Variants in SGCD observed in about 807,000 individuals in gnomAD.
The protein encoded by SGCD is delta-sarcoglycan.
In SGCD, 18 loss-of-function variants were observed where a neutral mutation model predicts 36.6. That is an observed-to-expected ratio of 0.49 (90% CI 0.34 to 0.73). The LOEUF (loss-of-function observed/expected upper bound fraction) is 0.73, where lower values mean the gene tolerates loss of function less well. Ranked by LOEUF, SGCD falls within the 30% of genes least tolerant of loss-of-function variation. The probability of loss-of-function intolerance (pLI) is 0.01; values close to 1 mark genes in which losing one functional copy is unlikely to be tolerated. For synonymous variants in SGCD, 133 were observed against 130.6 expected, an observed-to-expected ratio of 1.02 and a Z score of -0.12; for missense variants, 387 against 346.7, an observed-to-expected ratio of 1.12 and a Z score of -0.92.
intron 3 of SGCD, among the ~76,000 whole-genome samples, chr5:156,163,701 G>A (rs913938300): frequency 1.3e-5 from 2 of 151,446 alleles, no homozygotes; most frequent in African/African-American, 4.9e-5. Flanking sequence ...TTCTGGTTTT[G>A]GAATCTACCA....
chr5:155,942,326 G>GTGTCTATCTATCTATC (rs1307509032), intron 1 of SGCD, among the ~76,000 whole-genome samples: 4 of 111,298 alleles, frequency 3.6e-5, no homozygotes, highest in Non-Finnish European at 6.4e-5. Context: ...ATGTATGTAT[G>GTGTCTATCTATCTATC]TATGTATGTA....
At chr5:155,826,114 A>G in the SGCD span, among the ~76,000 whole-genome samples, 1 of 152,212 alleles carries the variant, frequency 6.6e-6, no homozygotes, top group African/African-American at 2.4e-5. Context: ...GCTGGTGTAA[A>G]GTGCAAACCA....
At chr5:156,366,893 T>G (rs1295600212) in intron 3 of SGCD, among the ~76,000 whole-genome samples, 1 of 152,188 alleles carries the variant, frequency 6.6e-6, no homozygotes, top group Non-Finnish European at 1.5e-5. Flanking sequence ...TCTAGATACT[T>G]TTGAAGGGAA....
At position 156,712,991 on chromosome 5, in the gene SGCD, A is replaced by G. The variant is rs151128564; in HGVS notation, c.576-44590A>G. On this transcript the variant is annotated intron_variant, in intron 7 of 8. Transcript: ENST00000337851. Reference sequence around the variant, plus strand: ...ATCTAGAGAGACAAATGCTTCCCACATGGTAGGGTCTGAATAAATATTGAC... The same window carrying G: ...ATCTAGAGAGACAAATGCTTCCCACGTGGTAGGGTCTGAATAAATATTGAC... 1.8e-3 allele frequency among the ~76,000 whole-genome samples: 278 copies of G among 152,332 alleles called. 1 individual carries two copies. The highest frequency in any genetic ancestry group is 6.2e-3 in the African/African-American group (259 of 41,572).
chr5:156,138,884 A>T (rs1048629187), intron 3 of SGCD, among the ~76,000 whole-genome samples: 4 of 152,208 alleles, frequency 2.6e-5, no homozygotes, highest in African/African-American at 9.6e-5. Flanking sequence ...CATAGTGGAT[A>T]TAAAATAAGA....
chr5:155,881,334 G>A (rs1326158222), intron 1 of SGCD, among the ~76,000 whole-genome samples: 2 of 79,096 alleles, frequency 2.5e-5, no homozygotes, highest in East Asian at 3.8e-4. Flanking sequence ...AAAGAATATA[G>A]CAATAAAACA....
the SGCD span, among the ~76,000 whole-genome samples, chr5:155,785,883 ATAT>A: frequency 6.6e-6 from 1 of 152,158 alleles, no homozygotes; most frequent in Non-Finnish European, 1.5e-5. Context: ...TGTGGTCCAG[ATAT>A]TATTACTATG....
intron 3 of SGCD, among the ~76,000 whole-genome samples, chr5:156,391,284 G>A (rs1323242970): frequency 1.3e-5 from 2 of 152,174 alleles, no homozygotes; most frequent in Admixed American, 1.3e-4. Flanking sequence ...TGGGTGTGTA[G>A]CACGCTCTAC....
chr5:156,250,595 G>T (rs577137607), intron 3 of SGCD, among the ~76,000 whole-genome samples: 2 of 152,242 alleles, frequency 1.3e-5, no homozygotes, highest in African/African-American at 4.8e-5. Context: ...GAAAAAAAAG[G>T]GAAAGAGAAG....
chr5:156,605,441 T>G (rs935232017), intron 6 of SGCD, among the ~76,000 whole-genome samples: 5 of 152,212 alleles, frequency 3.3e-5, no homozygotes, highest in Non-Finnish European at 5.9e-5. Flanking sequence ...CTTAATCCAG[T>G]CTATTATTGT....
chr5:156,185,317 C>T (rs1763712689), intron 3 of SGCD, among the ~76,000 whole-genome samples: 1 of 150,666 alleles, frequency 6.6e-6, no homozygotes, highest in South Asian at 2.1e-4. Flanking sequence ...CGGGTTCACA[C>T]CATTCTCCTG....
At chr5:155,965,073 G>A (rs1256507755) in intron 1 of SGCD, among the ~76,000 whole-genome samples, 2 of 152,050 alleles carry the variant, frequency 1.3e-5, no homozygotes, top group African/African-American at 4.8e-5. Context: ...AGAGAATGGG[G>A]CCAGAGTCCT....
chr5:155,760,206 ACCAACACCCTCT>A, the SGCD span, among the ~76,000 whole-genome samples: 2 of 138,820 alleles, frequency 1.4e-5, no homozygotes, highest in Non-Finnish European at 3.1e-5. Flanking sequence ...CATCATCCTC[ACCAACACCCTCT>A]CCATCACCCT....
chr5:156,555,288 G>A (rs1758976760), intron 4 of SGCD, among the ~76,000 whole-genome samples: 1 of 152,108 alleles, frequency 6.6e-6, no homozygotes, highest in Non-Finnish European at 1.5e-5. Flanking sequence ...CTAAGAACCT[G>A]TTGCCTAATC....
chr5:156,716,135 C>G lies in SGCD; in HGVS notation c.576-41446C>G, dbSNP rs191918441. Among the ~76,000 whole-genome samples the G allele has an allele frequency of 1.6e-3, 248 of 152,288 alleles. 1 individual carries two copies. The highest frequency in any genetic ancestry group is 5.8e-3 in the African/African-American group (241 of 41,560). ...AGCCTGATCAGCCTCTGAGCTACCC[C>G]ACAGTGCTCCTAAATACCCTGACAT... On this transcript the variant is annotated intron_variant, in intron 7 of 8. Transcript: ENST00000337851.
At chr5:156,201,247 T>A (rs972464424) in intron 3 of SGCD, among the ~76,000 whole-genome samples, 7 of 152,122 alleles carry the variant, frequency 4.6e-5, no homozygotes, top group Admixed American at 4.6e-4. Flanking sequence ...TTTAACACAA[T>A]AAAAAAGTAA....
intron 7 of SGCD, among the ~76,000 whole-genome samples, chr5:156,738,232 C>T (rs1479845242): frequency 6.6e-6 from 1 of 152,148 alleles, no homozygotes; most frequent in Non-Finnish European, 1.5e-5. Context: ...GTTTCTATCT[C>T]ACTTTAGAAA....
At chr5:156,638,936 T>G (rs1762928624) in intron 6 of SGCD, among the ~76,000 whole-genome samples, 1 of 152,092 alleles carries the variant, frequency 6.6e-6, no homozygotes. Flanking sequence ...CAAAAGAGAA[T>G]GTCTTATTTT....
chr5:156,341,106 A>G (rs115018896), intron 2 of SGCD, among the ~76,000 whole-genome samples: 1,951 of 152,266 alleles, frequency 0.013, 48 homozygotes, highest in African/African-American at 0.045. Flanking sequence ...AAGCCACTAT[A>G]CGATGCAGCA....
Sources: allele counts gnomAD v4.1 joint callset (sites outside exome capture counted in the v4.1 genomes callset), GRCh38; gene constraint gnomAD v4.1.1; transcripts MANE v1.5; gene names NCBI Gene and HGNC (gene_info 2026-07-23, HGNC 2026-07-21).